IKZF2: variants seen among roughly 807,000 people sequenced by gnomAD.
IKZF2 encodes the protein zinc finger protein Helios.
IKZF2 carries 15 observed loss-of-function variants against 49.2 expected under a neutral mutation model. The observed-to-expected ratio is 0.30, with a 90% confidence interval of 0.20 to 0.47. IKZF2 has a LOEUF of 0.47. Among genes scored for constraint, IKZF2 ranks in the 20% least tolerant of loss-of-function variants. The probability of loss-of-function intolerance (pLI) is 1.00; values close to 1 mark genes in which losing one functional copy is unlikely to be tolerated. For synonymous variants in IKZF2, 227 were observed against 221.4 expected (o/e 1.03, Z -0.23); for missense variants, 567 against 664.6 (o/e 0.85, Z 1.61).
chr2:213,061,320 G>A (rs1559222143), intron 4 of IKZF2, among the ~76,000 whole-genome samples: 1 of 151,108 alleles, frequency 6.6e-6, no homozygotes, highest in Non-Finnish European at 1.5e-5. Context: ...AAGGATAACT[G>A]AATAAAGGCC....
chr2:213,136,146 G>A (rs1345271992), intron 4 of IKZF2, among the ~76,000 whole-genome samples: 2 of 151,594 alleles, frequency 1.3e-5, no homozygotes, highest in Non-Finnish European at 2.9e-5. Context: ...GAGGCAGGTG[G>A]ATAGCCCGAG....
chr2:213,006,356 A>C lies in IKZF2; in HGVS notation c.*1004T>G. On this transcript the variant is annotated 3_prime_UTR_variant, in exon 9 of 9. Coordinates refer to ENST00000434687, the MANE Select transcript of IKZF2 (RefSeq NM_001387220.1). ...ATTTCTAAGTGGGTTTTCTCCCCCT[A>C]CTGTTAGCATAATTATATTTTTCTG... The C allele has an allele frequency of 6.6e-6, 1 of 152,528 alleles. No individual in the cohort carries two copies. Among genetic ancestry groups the C allele is most frequent in the South Asian group, 2.1e-4 (1 of 4,832 alleles). The allele number at this position is 152,528 out of a possible 1,614,324, so 9.4% of individuals were successfully genotyped here. A position where few individuals can be genotyped will look rare whatever the true frequency, so the allele number is the denominator to read the frequency against.
chr2:213,073,832 T>G (rs965799630), intron 4 of IKZF2, among the ~76,000 whole-genome samples: 45 of 152,190 alleles, frequency 3.0e-4, no homozygotes, highest in Non-Finnish European at 2.9e-5. Context: ...AAATTCAGAA[T>G]GATGTGAAGA....
At chr2:213,120,465 C>CT (rs1378620884) in intron 4 of IKZF2, among the ~76,000 whole-genome samples, 1 of 152,172 alleles carries the variant, frequency 6.6e-6, no homozygotes, top group Non-Finnish European at 1.5e-5. Flanking sequence ...TGGCAAGTAT[C>CT]TGTGGCTGAA....
chr2:213,139,510 C>G (rs1055672521), intron 4 of IKZF2, among the ~76,000 whole-genome samples: 1 of 151,906 alleles, frequency 6.6e-6, no homozygotes, highest in Non-Finnish European at 1.5e-5. Context: ...ACAAAATGAT[C>G]TAGTCAAGCC....
At chr2:213,119,019 C>T (rs1477686525) in intron 4 of IKZF2, among the ~76,000 whole-genome samples, 2 of 152,142 alleles carry the variant, frequency 1.3e-5, no homozygotes, top group Admixed American at 1.3e-4. Flanking sequence ...AATTCATTTA[C>T]TTGAATTGTT....
At chr2:213,085,458 A>T (rs1704474582) in intron 4 of IKZF2, among the ~76,000 whole-genome samples, 1 of 152,200 alleles carries the variant, frequency 6.6e-6, no homozygotes, top group Non-Finnish European at 1.5e-5. Context: ...TTGTTTAAAA[A>T]ATCTAGTTAG....
At chr2:213,062,981 C>T (rs987359707) in intron 4 of IKZF2, among the ~76,000 whole-genome samples, 2 of 152,010 alleles carry the variant, frequency 1.3e-5, no homozygotes, top group African/African-American at 2.4e-5. Context: ...AGTAAAACCA[C>T]AACAAAGGTA....
intron 6 of IKZF2, among the ~76,000 whole-genome samples, chr2:213,038,486 A>G (rs1699268653): frequency 6.6e-6 from 1 of 152,168 alleles, no homozygotes; most frequent in Non-Finnish European, 1.5e-5. Context: ...TAATATCCAA[A>G]GGTGTATAAC....
chr2:213,134,140 C>T (rs1183415765), intron 4 of IKZF2, among the ~76,000 whole-genome samples: 1 of 152,178 alleles, frequency 6.6e-6, no homozygotes, highest in East Asian at 1.9e-4. Context: ...TCTTCTGGAA[C>T]CCTCAGTGCC....
At chr2:213,077,358 T>G (rs958907058) in intron 4 of IKZF2, among the ~76,000 whole-genome samples, 6 of 152,130 alleles carry the variant, frequency 3.9e-5, no homozygotes, top group Admixed American at 6.5e-5. Flanking sequence ...AATATGAATT[T>G]CTTGAACTTT....
chr2:213,079,988 A>G (rs147623327), intron 4 of IKZF2, among the ~76,000 whole-genome samples: 1 of 152,338 alleles, frequency 6.6e-6, no homozygotes, highest in East Asian at 1.9e-4. Flanking sequence ...ACCTAATCTG[A>G]TAAACTGCTG....
intron 4 of IKZF2, among the ~76,000 whole-genome samples, chr2:213,098,646 A>C (rs1706289122): frequency 6.6e-6 from 1 of 152,180 alleles, no homozygotes; most frequent in Admixed American, 6.6e-5. Flanking sequence ...TCTTTTCTAT[A>C]CAAAAATGAA....
chr2:213,124,910 T>C (rs74767961), intron 4 of IKZF2, among the ~76,000 whole-genome samples: 8,310 of 152,300 alleles, frequency 0.055, 749 homozygotes, highest in African/African-American at 0.19. Context: ...GCAACTTAAA[T>C]GTAATTAATT....
chr2:213,138,395 T>C (rs192540515), intron 4 of IKZF2, among the ~76,000 whole-genome samples: 54 of 152,096 alleles, frequency 3.6e-4, no homozygotes, highest in Middle Eastern at 3.4e-3. Context: ...AGTGAGACAT[T>C]ATAAAAATAA....
chr2:213,048,348 T>C (rs141194159), intron 6 of IKZF2, among the ~76,000 whole-genome samples: 94 of 152,148 alleles, frequency 6.2e-4, no homozygotes, highest in African/African-American at 2.1e-3. Flanking sequence ...AAAAATAAGA[T>C]GGATGTTTAA....
At chr2:213,012,682 C>T (rs1430737986) in intron 8 of IKZF2, among the ~76,000 whole-genome samples, 2 of 151,900 alleles carry the variant, frequency 1.3e-5, no homozygotes, top group Non-Finnish European at 2.9e-5. Context: ...TCTTAGAGTG[C>T]TATTTTGGTG....
chr2:213,148,579 T>C lies in IKZF2; in HGVS notation c.34+17A>G, dbSNP rs755503107. 1 of 1,591,792 alleles carries C rather than the reference T, an allele frequency of 6.3e-7. No homozygotes were observed. Among genetic ancestry groups the C allele is most frequent in the Non-Finnish European group, 8.6e-7 (1 of 1,162,596 alleles). Reference sequence around the variant, plus strand: ...AACTTTATTACCAATAACAAATCAATGAAAACTAATACTTACACGTTATAT... The same window carrying C: ...AACTTTATTACCAATAACAAATCAACGAAAACTAATACTTACACGTTATAT... On this transcript the variant is annotated intron_variant, in intron 3 of 8. Transcript: ENST00000434687.
intron 4 of IKZF2, among the ~76,000 whole-genome samples, chr2:213,096,181 A>T (rs562204859): frequency 1.3e-5 from 2 of 152,080 alleles, no homozygotes; most frequent in South Asian, 4.1e-4. Context: ...ATTTCACATG[A>T]AAGAAACTTA....
Sources: allele counts gnomAD v4.1 joint callset (sites outside exome capture counted in the v4.1 genomes callset), GRCh38; gene constraint gnomAD v4.1.1; transcripts MANE v1.5; gene names NCBI Gene and HGNC (gene_info 2026-07-23, HGNC 2026-07-21).